The following HSF5 variants were observed in gnomAD, a reference collection of about 807,000 sequenced individuals.
HSF5 encodes heat shock factor protein 5.
HSF5 carries 5 observed loss-of-function variants against 50.8 expected under a neutral mutation model. That is an observed-to-expected ratio of 0.10 (90% CI 0.05 to 0.21). HSF5 has a LOEUF of 0.21. Ranked by LOEUF, HSF5 falls within the 10% of genes least tolerant of loss-of-function variation. The pLI, the probability that HSF5 is intolerant of heterozygous loss-of-function variation, is 1.00. For missense variants in HSF5, 564 were observed against 762.6 expected (o/e 0.74, Z 3.07); for synonymous variants, 307 against 307.4 (o/e 1.00, Z 0.02).
chr17:58,449,699 C>CAA (rs200922146), intron 5 of HSF5, among the ~76,000 whole-genome samples: 1 of 132,702 alleles, frequency 7.5e-6, no homozygotes, highest in Non-Finnish European at 1.6e-5. Context: ...GGCTCCATCT[C>CAA]AAAAAAAAAA....
intron 2 of HSF5, among the ~76,000 whole-genome samples, chr17:58,479,454 C>T (rs1173467591): frequency 6.6e-6 from 1 of 152,022 alleles, no homozygotes; most frequent in East Asian, 1.9e-4. Flanking sequence ...AGGCGCCTGC[C>T]ACCGTGCCTG....
At position 58,420,635 on chromosome 17, in the gene HSF5, T is replaced by C. The variant is rs1173068688; in HGVS notation, c.*1725A>G. 2 of 152,196 alleles carry C rather than the reference T, an allele frequency of 1.3e-5. No homozygotes were observed. The highest frequency in any genetic ancestry group is 2.9e-5 in the Non-Finnish European group (2 of 68,034). The allele number at this position is 152,196 out of a possible 1,614,324, so 9.4% of individuals were successfully genotyped here. A position where few individuals can be genotyped will look rare whatever the true frequency, so the allele number is the denominator to read the frequency against. On this transcript the variant is annotated 3_prime_UTR_variant, in exon 6 of 6. Coordinates refer to ENST00000323777, the MANE Select transcript of HSF5 (RefSeq NM_001080439.3). ...AAAGCAAAGTTCCTTCATTTGGAAA[T>C]TGGGTCTCCTCTTCACATACTCTGA...
chr17:58,465,458 G>T (rs1414735530), intron 3 of HSF5, among the ~76,000 whole-genome samples: 1 of 152,058 alleles, frequency 6.6e-6, no homozygotes, highest in Non-Finnish European at 1.5e-5. Context: ...ACAAACAAGA[G>T]CATCTAACTG....
At chr17:58,460,512 T>TAA (rs1974778520) in intron 4 of HSF5, among the ~76,000 whole-genome samples, 1 of 100,050 alleles carries the variant, frequency 1.0e-5, no homozygotes, top group Non-Finnish European at 2.3e-5. Flanking sequence ...CACACACACA[T>TAA]ACTTTTTTTT....
intron 5 of HSF5, among the ~76,000 whole-genome samples, chr17:58,428,528 G>A (rs1048092892): frequency 1.1e-4 from 16 of 151,910 alleles, no homozygotes; most frequent in East Asian, 1.9e-4. Flanking sequence ...GTGTGGTGGC[G>A]GGCGCCTGTA....
intron 5 of HSF5, among the ~76,000 whole-genome samples, chr17:58,445,207 TA>T (rs1473840182): frequency 6.6e-6 from 1 of 152,164 alleles, no homozygotes; most frequent in Non-Finnish European, 1.5e-5. Context: ...CAGAGTTTCC[TA>T]AAAAAATTAA....
At chr17:58,431,526 T>C (rs1974364987) in intron 5 of HSF5, among the ~76,000 whole-genome samples, 1 of 152,226 alleles carries the variant, frequency 6.6e-6, no homozygotes, top group East Asian at 1.9e-4. Flanking sequence ...TGGTCTGTCA[T>C]TGACTGAATG....
At chr17:58,442,077 T>C (rs1168827838) in intron 5 of HSF5, among the ~76,000 whole-genome samples, 1 of 152,196 alleles carries the variant, frequency 6.6e-6, no homozygotes, top group Non-Finnish European at 1.5e-5. Flanking sequence ...GTCTTTGGCA[T>C]TGTCTCTCTT....
intron 1 of HSF5, 119 bp from the exon 2 acceptor site, chr17:58,480,386 T>A: frequency 1.1e-6 from 1 of 905,844 alleles, no homozygotes; most frequent in Non-Finnish European, 1.5e-6. Flanking sequence ...ACAACAGAAG[T>A]TTAGGTTTGG....
intron 5 of HSF5, among the ~76,000 whole-genome samples, chr17:58,457,362 G>T (rs955026946): frequency 2.0e-5 from 3 of 152,004 alleles, no homozygotes; most frequent in African/African-American, 7.2e-5. Flanking sequence ...ACTTTAGGAG[G>T]CCGAGGTGGG....
intron 2 of HSF5, among the ~76,000 whole-genome samples, chr17:58,477,102 GAT>G (rs964390682): frequency 2.0e-5 from 3 of 149,990 alleles, no homozygotes; most frequent in Non-Finnish European, 3.0e-5. Context: ...ATGGGCTAGG[GAT>G]ATATATATAT....
chr17:58,455,543 A>G (rs1230640083), intron 5 of HSF5, among the ~76,000 whole-genome samples: 1 of 152,200 alleles, frequency 6.6e-6, no homozygotes, highest in Non-Finnish European at 1.5e-5. Context: ...GACAACCTAC[A>G]TAAAGAGAGA....
rs1316943897 is a variant in HSF5 at position 58,422,149 on chromosome 17, T to TTC, written c.*209_*210dup. 1 of 504,714 alleles carries TTC rather than the reference T, an allele frequency of 2.0e-6. No individual in the cohort carries two copies. The highest frequency in any genetic ancestry group is 1.9e-5 in the African/African-American group (1 of 51,474). The allele number at this position is 504,714 out of a possible 1,614,324, so 31.3% of individuals were successfully genotyped here. ...AGCCAAAAAACGTGGCTGCTAGATGTTCAGTAGTTTGTCAAGGCAGATAAT... is the reference window on the plus strand; with the variant it reads ...AGCCAAAAAACGTGGCTGCTAGATGTTCTCAGTAGTTTGTCAAGGCAGATAAT... On this transcript the variant is annotated 3_prime_UTR_variant, in exon 6 of 6. Transcript: ENST00000323777.
Position 58,458,757 on chromosome 17 carries a change from A to G in HSF5, c.1720+11T>C, listed in dbSNP as rs753072763. The stretch of plus-strand genomic sequence containing the variant: ...TCTACTTCTGGCATTCTAGAGCACA[A>G]TAATCCTTACCAGGGGACTTTCCTT... On this transcript the variant is annotated intron_variant, in intron 5 of 5. Coordinates refer to ENST00000323777, the MANE Select transcript of HSF5 (RefSeq NM_001080439.3). 1.9e-6 allele frequency: 3 copies of G among 1,603,326 alleles called. No individual in the cohort carries two copies. The highest frequency in any genetic ancestry group is 1.3e-5 in the African/African-American group (1 of 74,466).
chr17:58,477,551 C>G (rs1975033649), intron 2 of HSF5, among the ~76,000 whole-genome samples: 1 of 150,992 alleles, frequency 6.6e-6, no homozygotes, highest in Non-Finnish European at 1.5e-5. Flanking sequence ...GTTCCGCTTC[C>G]TGGGTTCACG....
chr17:58,477,693 C>G (rs12944319), intron 2 of HSF5, among the ~76,000 whole-genome samples: 125,566 of 151,546 alleles, frequency 0.83, 52,151 homozygotes, highest in East Asian at 1. Flanking sequence ...ATCTCCTGAC[C>G]TCGTGATCTG....
At chr17:58,422,933 T>A (rs972777768) in intron 5 of HSF5, among the ~76,000 whole-genome samples, 2 of 151,950 alleles carry the variant, frequency 1.3e-5, no homozygotes, top group Admixed American at 1.3e-4. Context: ...TAACCTCAAG[T>A]GATCCACACA....
chr17:58,486,960 T>G lies in HSF5; in HGVS notation c.550+765A>C, dbSNP rs1033113881. ...TCTCGCTCTGTTGCTCAGACTGGAG[T>G]GCAGTGGCACTATCTCGGCTTACTG... On this transcript the variant is annotated intron_variant, in intron 1 of 5. Coordinates refer to ENST00000323777, the MANE Select transcript of HSF5 (RefSeq NM_001080439.3). Among the ~76,000 whole-genome samples the G allele has an allele frequency of 3.5e-5, 5 of 142,318 alleles. No individual in the cohort carries two copies. The Admixed American group carries it at 3.9e-4, about 11-fold the overall frequency. The allele number at this position is 142,318 out of a possible 152,430, so 93.4% of individuals were successfully genotyped here.
At chr17:58,437,019 C>T (rs879459050) in intron 5 of HSF5, among the ~76,000 whole-genome samples, 1 of 152,088 alleles carries the variant, frequency 6.6e-6, no homozygotes, top group Non-Finnish European at 1.5e-5. Context: ...TTCTGCCTCC[C>T]GACATCTTCA....
Sources: allele counts gnomAD v4.1 joint callset (sites outside exome capture counted in the v4.1 genomes callset), GRCh38; gene constraint gnomAD v4.1.1; transcripts MANE v1.5; gene names NCBI Gene and HGNC (gene_info 2026-07-23, HGNC 2026-07-21).